The following CHM variants were observed in gnomAD, a reference collection of about 807,000 sequenced individuals.
The protein encoded by CHM is CHM Rab escort protein.
In CHM, 10 loss-of-function variants were observed where a neutral mutation model predicts 49.0. The observed-to-expected ratio is 0.20, with a 90% CI of 0.13 to 0.35. The LOEUF is 0.35. CHM is among the 10% of genes least tolerant of loss of function. The pLI is 1.00. For missense variants in CHM, 455 were observed against 478.4 expected, an observed-to-expected ratio of 0.95 and a Z score of 0.46; for synonymous variants, 184 against 167.5, an observed-to-expected ratio of 1.10 and a Z score of -0.76.
chrX:85,886,792 T>C (rs2148134637), intron 12 of CHM, among the ~76,000 whole-genome samples: 1 of 108,887 alleles, frequency 9.2e-6, no homozygotes, highest in African/African-American at 3.3e-5. Context: ...TGAATGTCTA[T>C]GAACAGGCCA....
chrX:85,869,563 C>T (rs1429848811), intron 14 of CHM, among the ~76,000 whole-genome samples: 1 of 111,183 alleles, frequency 9.0e-6, no homozygotes, highest in East Asian at 2.8e-4. Flanking sequence ...TTATGAAACT[C>T]CCACCTATAG....
At chrX:85,886,915 A>T (rs1444806708) in intron 12 of CHM, among the ~76,000 whole-genome samples, 5 of 107,230 alleles carry the variant, frequency 4.7e-5, no homozygotes, top group Admixed American at 1.0e-4. Context: ...TATATATTAC[A>T]CATTAACTCT....
intron 4 of CHM, among the ~76,000 whole-genome samples, chrX:85,977,217 C>G (rs753463811): frequency 4.5e-4 from 50 of 112,087 alleles, no homozygotes; most frequent in Non-Finnish European, 4.9e-4. Flanking sequence ...GCTTTTCCTG[C>G]TTACTACTAT....
chrX:85,940,169 C>T (rs1425581201), intron 8 of CHM, among the ~76,000 whole-genome samples: 1 of 111,252 alleles, frequency 9.0e-6, no homozygotes, highest in African/African-American at 3.3e-5. Context: ...CTTTTAAACA[C>T]TGTTGTAATG....
intron 12 of CHM, among the ~76,000 whole-genome samples, chrX:85,889,190 C>T (rs1169250067): frequency 3.6e-5 from 4 of 111,404 alleles, no homozygotes; most frequent in Non-Finnish European, 7.5e-5. Flanking sequence ...AAAGCAATTG[C>T]AACAAAAACA....
intron 2 of CHM, among the ~76,000 whole-genome samples, chrX:86,015,038 T>C (rs1933232119): frequency 1.9e-5 from 2 of 107,501 alleles, no homozygotes; most frequent in Non-Finnish European, 3.9e-5. Flanking sequence ...GAAGTTCAGT[T>C]TCAATATATA....
intron 2 of CHM, 30 bp from the exon 3 acceptor site, chrX:85,981,839 A>C (rs1377348963): frequency 1.0e-6 from 1 of 978,504 alleles, no homozygotes; most frequent in East Asian, 3.3e-5. Flanking sequence ...AAAAAAAAGT[A>C]AAGAAAATGG....
intron 4 of CHM, chrX:85,970,346 A>G (rs1037517551): frequency 1.2e-5 from 9 of 739,801 alleles, no homozygotes; most frequent in Middle Eastern, 7.7e-4. Context: ...TAACTACATT[A>G]CAATACTATA....
At chrX:85,930,910 G>A (rs1255546655) in intron 8 of CHM, among the ~76,000 whole-genome samples, 1 of 111,633 alleles carries the variant, frequency 9.0e-6, no homozygotes, top group Non-Finnish European at 1.9e-5. Flanking sequence ...AGCCACAGAA[G>A]AGCGAAAAAA....
chrX:85,903,501 G>C (rs1926403566), intron 9 of CHM: 1 of 362,157 alleles, frequency 2.8e-6, no homozygotes, highest in East Asian at 7.6e-5. Context: ...AACTAATGGA[G>C]ATCACTCAAA....
intron 9 of CHM, among the ~76,000 whole-genome samples, chrX:85,907,420 A>G (rs911229725): frequency 8.9e-6 from 1 of 112,372 alleles, no homozygotes; most frequent in African/African-American, 3.2e-5. Context: ...CCTGGTCAGC[A>G]TAGCTGCAAA....
chrX:85,872,124 A>T (rs1924112070), intron 14 of CHM, among the ~76,000 whole-genome samples: 1 of 112,091 alleles, frequency 8.9e-6, no homozygotes, highest in African/African-American at 3.2e-5. Flanking sequence ...CTCATGATAG[A>T]CATAGCTTTG....
intron 11 of CHM, among the ~76,000 whole-genome samples, chrX:85,895,061 C>A (rs1925729185): frequency 9.1e-6 from 1 of 110,026 alleles, no homozygotes; most frequent in African/African-American, 3.3e-5. Flanking sequence ...AGTATGCTAT[C>A]CTAGGCATTA....
chrX:85,891,723 T>C (rs1219588015), intron 12 of CHM, among the ~76,000 whole-genome samples: 1 of 112,217 alleles, frequency 8.9e-6, no homozygotes, highest in Non-Finnish European at 1.9e-5. Context: ...GGAGGCCCCA[T>C]ACAGAGCCCC....
At chrX:85,919,289 C>T (rs1258033173) in intron 8 of CHM, among the ~76,000 whole-genome samples, 1 of 111,497 alleles carries the variant, frequency 9.0e-6, no homozygotes, top group African/African-American at 3.3e-5. Context: ...ATGCCACAGG[C>T]TATTACATTA....
At chrX:86,010,265 G>A (rs1268913982) in intron 2 of CHM, among the ~76,000 whole-genome samples, 12 of 102,058 alleles carry the variant, frequency 1.2e-4, no homozygotes, top group East Asian at 3.1e-4. Flanking sequence ...ATGATGAGTT[G>A]ATGGGTGCAG....
intron 10 of CHM, 32 bp downstream of exon 10, chrX:85,901,052 C>T (rs1926245267): frequency 2.0e-6 from 2 of 987,425 alleles, no homozygotes; most frequent in African/African-American, 1.9e-5. Context: ...ATAAAATTAC[C>T]TTCGCTTGCT....
intron 1 of CHM, among the ~76,000 whole-genome samples, chrX:86,042,817 T>C (rs1448794597): frequency 1.8e-5 from 2 of 108,233 alleles, no homozygotes; most frequent in Non-Finnish European, 3.8e-5. Flanking sequence ...AGCAAGACCC[T>C]GTCTCAAAAA....
At chrX:85,932,953 T>A (rs563577487) in intron 8 of CHM, among the ~76,000 whole-genome samples, 5 of 111,934 alleles carry the variant, frequency 4.5e-5, no homozygotes, top group African/African-American at 1.6e-4. Flanking sequence ...GGCAGTTAAG[T>A]GTTGATTATG....
Sources: allele counts gnomAD v4.1 joint callset (sites outside exome capture counted in the v4.1 genomes callset), GRCh38; gene constraint gnomAD v4.1.1; transcripts MANE v1.5; gene names NCBI Gene and HGNC (gene_info 2026-07-23, HGNC 2026-07-21).